MDFI: variants seen among roughly 807,000 people sequenced by gnomAD.
The protein encoded by MDFI is inhibitor of MyoD family a.
Under a neutral mutation model 22.3 loss-of-function variants are expected in MDFI, and 16 were observed. The ratio of observed to expected loss-of-function variants is 0.72; its 90% CI spans 0.49 to 1.09. The LOEUF is 1.09. Ranked by LOEUF, MDFI falls within the 50% of genes least tolerant of loss-of-function variation. The probability of loss-of-function intolerance (pLI) is 0.00; values close to 1 mark genes in which losing one functional copy is unlikely to be tolerated. For missense variants in MDFI, 314 were observed against 326.1 expected (o/e 0.96, Z 0.29); for synonymous variants, 145 against 142.7 (o/e 1.02, Z -0.12).
chr6:41,642,498 A>T (rs867353761), intron 2 of MDFI, among the ~76,000 whole-genome samples: 17 of 152,122 alleles, frequency 1.1e-4, no homozygotes, highest in African/African-American at 4.1e-4. Flanking sequence ...TCCAAGCAGG[A>T]GCTGCTTCTC....
chr6:41,653,858 T>G lies in MDFI; in HGVS notation c.*283T>G. On this transcript the variant is annotated 3_prime_UTR_variant, in exon 5 of 5. Transcript: ENST00000230321. This position sits in a 1 kb window ranked among gnomAD's most constrained non-coding sequence, Gnocchi z 4.2. The stretch of plus-strand genomic sequence containing the variant: ...TTGCTGAGGACCTGACAGGACAACC[T>G]AGGGGCAGGGCTGGGGTGGGGACCG... 5 of 482,850 alleles carry G rather than the reference T, an allele frequency of 1.0e-5. No individual in the cohort carries two copies. The highest frequency in any genetic ancestry group is 1.9e-5 in the African/African-American group (1 of 51,284). The allele number at this position is 482,850 out of a possible 1,614,324, so 29.9% of individuals were successfully genotyped here.
rs7770375 is a variant in MDFI, at chr6:41,641,517, G to C, written c.76+2692G>C. Among the ~76,000 whole-genome samples the C allele has an allele frequency of 9.7e-3, 1,481 of 152,298 alleles. 21 individuals carry two copies. The highest frequency in any genetic ancestry group is 0.031 in the African/African-American group (1,298 of 41,556). On this transcript the variant is annotated intron_variant, in intron 2 of 4. Coordinates refer to ENST00000230321, the MANE Select transcript of MDFI (RefSeq NM_005586.4). Reference sequence around the variant, plus strand: ...CCAGACCATGGGGAGGCCGGTCTGCGTGGAACACAGGATCCTGGTACATTG... The same window carrying C: ...CCAGACCATGGGGAGGCCGGTCTGCCTGGAACACAGGATCCTGGTACATTG...
At chr6:41,651,342 A>G (rs1768265400) in intron 4 of MDFI, among the ~76,000 whole-genome samples, 1 of 149,302 alleles carries the variant, frequency 6.7e-6, no homozygotes, top group African/African-American at 2.5e-5. Context: ...CAGGGGGACC[A>G]CTCACACCAG....
At chr6:41,650,493 A>G (rs925783338) in intron 4 of MDFI, among the ~76,000 whole-genome samples, 10 of 151,950 alleles carry the variant, frequency 6.6e-5, no homozygotes, top group African/African-American at 2.4e-4. Context: ...TGGCCTGGGC[A>G]TCTGCAAAAC....
At chr6:41,637,235 G>C (rs1767674147), upstream of MDFI, 1 of 152,070 alleles carries the variant, frequency 6.6e-6, no homozygotes, top group Non-Finnish European at 1.5e-5. The surrounding 1 kb of genome is among the most constrained non-coding windows in gnomAD (Gnocchi z 6.8). Flanking sequence ...GGGCCATCCC[G>C]GTCCTGGCCC....
chr6:41,649,886 C>A, intron 4 of MDFI, 43 bp downstream of exon 4: 1 of 1,569,744 alleles, frequency 6.4e-7, no homozygotes, highest in Non-Finnish European at 8.7e-7. Flanking sequence ...GCCTCCAAAG[C>A]CGGGTTCCTC....
At chr6:41,652,025 A>G (rs1015813300) in intron 4 of MDFI, among the ~76,000 whole-genome samples, 1 of 152,238 alleles carries the variant, frequency 6.6e-6, no homozygotes, top group African/African-American at 2.4e-5. Context: ...ATGACAATGA[A>G]TATGAGGAAA....
chr6:41,653,125 C>CT lies in MDFI; in HGVS notation c.485-192dup, dbSNP rs578124520. On this transcript the variant is annotated intron_variant, in intron 4 of 4. Transcript: ENST00000230321. The surrounding 1 kb of genome is among the most constrained non-coding windows in gnomAD (Gnocchi z 4.2). ...GATCCAGACTGCCCGCTCCGATGTG[C>CT]TTAACTGTCTGTGCCTCGGGGTCAT... Among the ~76,000 whole-genome samples, 124 of 152,336 alleles carry CT rather than the reference C, an allele frequency of 8.1e-4. No individual in the cohort carries two copies. In the East Asian group the frequency reaches 0.021, roughly 26 times the overall value.
At chr6:41,641,504 G>A (rs1439366564) in intron 2 of MDFI, among the ~76,000 whole-genome samples, 1 of 152,206 alleles carries the variant, frequency 6.6e-6, no homozygotes, top group South Asian at 2.1e-4. Flanking sequence ...AGACCATGGG[G>A]AGGCCGGTCT....
chr6:41,646,511 G>A (rs947864306), intron 3 of MDFI, among the ~76,000 whole-genome samples: 1 of 152,202 alleles, frequency 6.6e-6, no homozygotes, highest in Non-Finnish European at 1.5e-5. Flanking sequence ...CTAGGAAGCA[G>A]GGAGTGTGGG....
chr6:41,640,214 G>A (rs1236715556), intron 2 of MDFI, among the ~76,000 whole-genome samples: 4 of 152,092 alleles, frequency 2.6e-5, no homozygotes, highest in Non-Finnish European at 5.9e-5. Flanking sequence ...CCTCCTTCCT[G>A]CCTCCTCCCT....
At chr6:41,645,730 C>T (rs1768024264) in intron 2 of MDFI, among the ~76,000 whole-genome samples, 1 of 152,152 alleles carries the variant, frequency 6.6e-6, no homozygotes, top group South Asian at 2.1e-4. Context: ...CTCCCTTTAC[C>T]TCTACCTCTC....
intron 3 of MDFI, among the ~76,000 whole-genome samples, chr6:41,647,472 G>C (rs1581837822): frequency 6.6e-6 from 1 of 152,318 alleles, no homozygotes; most frequent in Non-Finnish European, 1.5e-5. Context: ...AGAGGTGGGG[G>C]CCTGATGATT....
At chr6:41,640,051 T>G in intron 2 of MDFI, 1 of 596,054 alleles carries the variant, frequency 1.7e-6, no homozygotes, top group Non-Finnish European at 2.1e-6. Context: ...AAGCCTCAAA[T>G]TGCCTGCTGT....
upstream of MDFI, among the ~76,000 whole-genome samples, chr6:41,637,733 C>G (rs538432919): frequency 7.9e-5 from 12 of 152,254 alleles, no homozygotes; most frequent in South Asian, 8.3e-4. The surrounding 1 kb of genome is among the most constrained non-coding windows in gnomAD (Gnocchi z 6.8). Context: ...CCTTTCTCCC[C>G]GAACCCTCAT....
At chr6:41,644,194 A>G (rs1011692100) in intron 2 of MDFI, among the ~76,000 whole-genome samples, 16 of 152,110 alleles carry the variant, frequency 1.1e-4, no homozygotes, top group African/African-American at 3.9e-4. Context: ...TCCAAAAGCT[A>G]TTTGATTTCC....
chr6:41,639,930 C>T, intron 2 of MDFI: 1 of 985,336 alleles, frequency 1.0e-6, no homozygotes, highest in South Asian at 4.7e-5. Flanking sequence ...GGTATGGACG[C>T]CTAGTTGTGG....
rs750706099 is a variant in MDFI at position 41,653,234 on chromosome 6, C to T, written c.485-85C>T. 14 of 1,402,198 alleles carry T rather than the reference C, an allele frequency of 1.0e-5. No homozygotes were observed. Among genetic ancestry groups the T allele is most frequent in the Non-Finnish European group, 1.3e-5 (13 of 1,012,124 alleles). 86.9% of individuals were successfully genotyped at this position (1,402,198 alleles called of 1,614,324 possible). On this transcript the variant is annotated intron_variant, in intron 4 of 4. Transcript: ENST00000230321. This position sits in a 1 kb window ranked among gnomAD's most constrained non-coding sequence, Gnocchi z 4.2. ...TCAGCGTCCCTGCTGCTGCCGCTGC[C>T]GCAGGCCCCCACACCCCCGGCTATT... is the stretch of plus-strand genomic sequence containing the variant.
intron 3 of MDFI, among the ~76,000 whole-genome samples, chr6:41,646,823 T>G (rs1371006629): frequency 6.6e-6 from 1 of 152,234 alleles, no homozygotes; most frequent in East Asian, 1.9e-4. Context: ...GGGATCATTT[T>G]ATAACTAACG....
Sources: gnomAD v4.1 joint callset for allele counts (sites outside exome capture counted in the v4.1 genomes callset) on GRCh38, gnomAD v4.1.1 for gene constraint, Gnocchi (gnomAD v3.1) non-coding constraint, MANE v1.5 for transcripts, NCBI Gene and HGNC (gene_info 2026-07-23, HGNC 2026-07-21) for gene names.